The following SLC5A4 variants were observed in gnomAD, a reference collection of about 807,000 sequenced individuals.
SLC5A4 encodes solute carrier family 5 member 4, also known as probable glucose sensor protein SLC5A4.
A neutral mutation model predicts 70.3 loss-of-function variants in SLC5A4; 55 were observed. The observed-to-expected ratio is 0.78, with a 90% CI of 0.63 to 0.98. The LOEUF is 0.98. SLC5A4 is among the 50% of genes least tolerant of loss of function. The pLI, the probability that SLC5A4 is intolerant of heterozygous loss-of-function variation, is 0.00. For missense variants in SLC5A4, 735 were observed against 839.2 expected (o/e 0.88, Z 1.53); for synonymous variants, 268 against 305.7 (o/e 0.88, Z 1.29).
intron 5 of SLC5A4, among the ~76,000 whole-genome samples, chr22:32,242,484 C>A (rs1314609403): frequency 6.6e-6 from 1 of 152,258 alleles, no homozygotes; most frequent in East Asian, 1.9e-4. Flanking sequence ...CCAAGGCGGG[C>A]AGATCACGAG....
chr22:32,241,805 A>ATATC (rs1048659939), intron 5 of SLC5A4, among the ~76,000 whole-genome samples: 1 of 138,852 alleles, frequency 7.2e-6, no homozygotes, highest in African/African-American at 2.9e-5. Context: ...GTGTGTGTGT[A>ATATC]TATATATCTG....
chr22:32,310,251 T>G, the SLC5A4 span, among the ~76,000 whole-genome samples: 1 of 152,110 alleles, frequency 6.6e-6, no homozygotes. Context: ...TAGAGCATCA[T>G]CCAGGACAGC....
At chr22:32,237,118 T>A in intron 7 of SLC5A4, 126 bp downstream of exon 7, 6 of 709,060 alleles carry the variant, frequency 8.5e-6, no homozygotes, top group Non-Finnish European at 1.3e-5. Context: ...ATGGGGATTA[T>A]GTAAATGACT....
the SLC5A4 span, among the ~76,000 whole-genome samples, chr22:32,263,511 G>A: frequency 3.3e-5 from 5 of 152,072 alleles, no homozygotes; most frequent in East Asian, 1.9e-4. Flanking sequence ...ACCATTTCAC[G>A]CCAGTTAGAA....
intron 13 of SLC5A4, 138 bp from the exon 14 acceptor site, chr22:32,221,160 C>T: frequency 2.0e-6 from 1 of 506,222 alleles, no homozygotes; most frequent in South Asian, 4.2e-5. Context: ...AAAGAAAAGG[C>T]CTCCTACCAC....
upstream of SLC5A4, among the ~76,000 whole-genome samples, chr22:32,257,671 AT>A (rs200927695): frequency 0.1 from 10,926 of 107,406 alleles, 697 homozygotes; most frequent in African/African-American, 0.29. Flanking sequence ...TTTTTTTTTA[AT>A]TTTTTTTTTT....
chr22:32,349,259 C>A, the SLC5A4 span, among the ~76,000 whole-genome samples: 12 of 152,344 alleles, frequency 7.9e-5, no homozygotes, highest in East Asian at 2.3e-3. Flanking sequence ...AGGCGTGAGC[C>A]ACTGCGCCCG....
At chr22:32,272,844 C>T in the SLC5A4 span, 5 of 512,966 alleles carry the variant, frequency 9.7e-6, no homozygotes, top group African/African-American at 1.9e-5. Context: ...TGCTGCTGCC[C>T]ATGCAGGAGA....
the SLC5A4 span, chr22:32,272,140 G>A: frequency 4.5e-3 from 3,079 of 689,726 alleles, 65 homozygotes; most frequent in African/African-American, 0.048. Flanking sequence ...GACCAGGTCA[G>A]GCTTCAAAGG....
chr22:32,304,996 C>G, the SLC5A4 span, among the ~76,000 whole-genome samples: 2 of 152,108 alleles, frequency 1.3e-5, no homozygotes, highest in African/African-American at 4.8e-5. Flanking sequence ...TTCCTCCATT[C>G]TGTTGCTTTT....
At chr22:32,350,846 A>G in the SLC5A4 span, among the ~76,000 whole-genome samples, 1 of 152,176 alleles carries the variant, frequency 6.6e-6, no homozygotes, top group Non-Finnish European at 1.5e-5. Flanking sequence ...AAAAAATGAT[A>G]CAATATATAT....
chr22:32,306,813 T>C, the SLC5A4 span, among the ~76,000 whole-genome samples: 3 of 152,188 alleles, frequency 2.0e-5, no homozygotes, highest in Non-Finnish European at 4.4e-5. Flanking sequence ...CGCTTGGTTA[T>C]TTGACTATGA....
At chr22:32,344,337 G>A in the SLC5A4 span, among the ~76,000 whole-genome samples, 6 of 152,126 alleles carry the variant, frequency 3.9e-5, no homozygotes, top group Non-Finnish European at 7.4e-5. Flanking sequence ...GAATACATAC[G>A]CACATATACT....
chr22:32,305,508 C>T, the SLC5A4 span, among the ~76,000 whole-genome samples: 1 of 148,854 alleles, frequency 6.7e-6, no homozygotes, highest in Non-Finnish European at 1.5e-5. Flanking sequence ...CTGGGGGTGC[C>T]AGCAGTCTGG....
At chr22:32,264,942 A>G in the SLC5A4 span, among the ~76,000 whole-genome samples, 2 of 152,322 alleles carry the variant, frequency 1.3e-5, no homozygotes, top group African/African-American at 4.8e-5. Context: ...TTTCATCTCA[A>G]GTTTGGAAAT....
chr22:32,308,491 C>G, the SLC5A4 span, among the ~76,000 whole-genome samples: 1 of 152,236 alleles, frequency 6.6e-6, no homozygotes, highest in East Asian at 1.9e-4. Flanking sequence ...GCCACACCCA[C>G]AGCCCTAGTC....
chr22:32,325,821 G>A, the SLC5A4 span, among the ~76,000 whole-genome samples: 2 of 152,242 alleles, frequency 1.3e-5, no homozygotes, highest in African/African-American at 2.4e-5. Flanking sequence ...GCCCAAAACT[G>A]CCTATCTAGC....
chr22:32,273,276 C>A, the SLC5A4 span: 1 of 289,120 alleles, frequency 3.5e-6, no homozygotes, highest in Non-Finnish European at 6.9e-6. Flanking sequence ...TAAAAATTTA[C>A]CCTGAGAAGA....
At chr22:32,309,241 G>A in the SLC5A4 span, among the ~76,000 whole-genome samples, 1 of 152,144 alleles carries the variant, frequency 6.6e-6, no homozygotes, top group South Asian at 2.1e-4. Flanking sequence ...ATACACAGAT[G>A]AGAGGGAAAG....
Sources: gnomAD v4.1 joint callset for allele counts (sites outside exome capture counted in the v4.1 genomes callset) on GRCh38, gnomAD v4.1.1 for gene constraint, MANE v1.5 for transcripts, NCBI Gene and HGNC (gene_info 2026-07-23, HGNC 2026-07-21) for gene names.